Variants in KCNQ3 observed in about 807,000 individuals in gnomAD.
The protein encoded by KCNQ3 is potassium voltage-gated channel subfamily Q member 3, also known as potassium voltage-gated channel subfamily KQT member 3.
A neutral mutation model predicts 92.5 loss-of-function variants in KCNQ3; 30 were observed. That is an observed-to-expected ratio of 0.32 (90% CI 0.24 to 0.44). KCNQ3 has a LOEUF of 0.44. Among genes scored for constraint, KCNQ3 ranks in the 20% least tolerant of loss-of-function variants. KCNQ3 has a pLI of 1.00. For missense variants in KCNQ3, 913 were observed against 1,140.3 expected, an observed-to-expected ratio of 0.80 and a Z score of 2.87; for synonymous variants, 450 against 468.8, an observed-to-expected ratio of 0.96 and a Z score of 0.52.
chr8:132,187,891 G>GTGT (rs1827046503), intron 1 of KCNQ3, among the ~76,000 whole-genome samples: 1 of 95,082 alleles, frequency 1.1e-5, no homozygotes, highest in Non-Finnish European at 2.2e-5. Flanking sequence ...GGTGGCGGTG[G>GTGT]TGGTGGTGGT....
At chr8:132,305,477 T>G (rs1817389963) in intron 1 of KCNQ3, among the ~76,000 whole-genome samples, 1 of 152,168 alleles carries the variant, frequency 6.6e-6, no homozygotes, top group Admixed American at 6.5e-5. Flanking sequence ...TTCTTGAGAT[T>G]TTGTTGCAGG....
intron 1 of KCNQ3, among the ~76,000 whole-genome samples, chr8:132,467,913 G>A (rs1563921922): frequency 6.6e-6 from 1 of 152,176 alleles, no homozygotes; most frequent in Non-Finnish European, 1.5e-5. Flanking sequence ...TGCCCGCCTT[G>A]CACGAAGACT....
At chr8:132,283,256 CA>C (rs59794466) in intron 1 of KCNQ3, among the ~76,000 whole-genome samples, 88,452 of 150,184 alleles carry the variant, frequency 0.59, 26,771 homozygotes, top group East Asian at 0.78. Flanking sequence ...CTCAGAGAGG[CA>C]AAAAAAAAAT....
chr8:132,281,618 T>C (rs188955411), intron 1 of KCNQ3, among the ~76,000 whole-genome samples: 1 of 152,118 alleles, frequency 6.6e-6, no homozygotes, highest in African/African-American at 2.4e-5. Context: ...TCCATCCTAG[T>C]ACAGGTTTCC....
rs139524769 is a variant in KCNQ3, at chr8:132,383,350, G to A, written c.386+96797C>T. Among the ~76,000 whole-genome samples the A allele has an allele frequency of 1.1e-3, 165 of 152,284 alleles. 2 individuals carry two copies. The highest frequency in any genetic ancestry group is 1.9e-4 in the Non-Finnish European group (13 of 68,022). ...AGTTTTTCTTGCAGATTGTAGGATC[G>A]CCATGGTGACAGGGCCAGGGCAGCG... On this transcript the variant is annotated intron_variant, in intron 1 of 14. Coordinates refer to ENST00000388996, the MANE Select transcript of KCNQ3 (RefSeq NM_004519.4).
chr8:132,297,770 C>T (rs1289376904), intron 1 of KCNQ3, among the ~76,000 whole-genome samples: 4 of 69,204 alleles, frequency 5.8e-5, no homozygotes, highest in Admixed American at 4.8e-4. Context: ...GGCCAACTCT[C>T]CTTTCGCAGC....
intron 1 of KCNQ3, among the ~76,000 whole-genome samples, chr8:132,458,713 C>A (rs371351652): frequency 5.1e-4 from 78 of 152,288 alleles, no homozygotes; most frequent in Admixed American, 4.6e-3. Flanking sequence ...CCTTAGCCTC[C>A]CAAAGTGCTG....
At chr8:132,211,006 T>C (rs550295154) in intron 1 of KCNQ3, among the ~76,000 whole-genome samples, 10 of 152,342 alleles carry the variant, frequency 6.6e-5, no homozygotes, top group African/African-American at 1.2e-4. Flanking sequence ...GCAAAGAGCA[T>C]TGGGTCTCCC....
chr8:132,151,269 C>A (rs1010453028), intron 9 of KCNQ3, among the ~76,000 whole-genome samples: 5 of 152,080 alleles, frequency 3.3e-5, no homozygotes, highest in African/African-American at 9.7e-5. Context: ...CTAACTGTTA[C>A]CATTATGACA....
At chr8:132,361,825 G>A (rs1427605933) in intron 1 of KCNQ3, among the ~76,000 whole-genome samples, 5 of 152,016 alleles carry the variant, frequency 3.3e-5, no homozygotes, top group East Asian at 1.9e-4. Context: ...CTGTCCATTC[G>A]TATGTGTAAA....
In KCNQ3 at chr8:132,201,552, A is replaced by G. The variant is rs572914009; in HGVS notation, c.387-15371T>C. ...CCCATTCCGAAAAGAAAAAATAGGCAAGAAGAAAAAAAAATAAAGGCCTCA... is the reference window on the plus strand; with the variant it reads ...CCCATTCCGAAAAGAAAAAATAGGCGAGAAGAAAAAAAAATAAAGGCCTCA... On this transcript the variant is annotated intron_variant, in intron 1 of 14. Coordinates refer to ENST00000388996, the MANE Select transcript of KCNQ3 (RefSeq NM_004519.4). Among the ~76,000 whole-genome samples the G allele has an allele frequency of 3.3e-5, 5 of 152,302 alleles. No individual in the cohort carries two copies. In the South Asian group the frequency reaches 1.0e-3, roughly 32 times the overall value.
rs186955782 is a variant in KCNQ3 at position 132,126,802 on chromosome 8, T to C, written c.*2460A>G. On this transcript the variant is annotated 3_prime_UTR_variant, in exon 15 of 15. Coordinates refer to ENST00000388996, the MANE Select transcript of KCNQ3 (RefSeq NM_004519.4). ...AGAATCTAAGGTAGTTCCTCCAATT[T>C]TGGATCAATGGTAAATACTTTAAGG... 10 of 152,298 alleles carry C rather than the reference T, an allele frequency of 6.6e-5. No individual in the cohort carries two copies. The highest frequency in any genetic ancestry group is 1.3e-4 in the Non-Finnish European group (9 of 68,024). The allele number at this position is 152,298 out of a possible 1,614,324, so 9.4% of individuals were successfully genotyped here.
At chr8:132,289,154 T>C (rs941568190) in intron 1 of KCNQ3, among the ~76,000 whole-genome samples, 1 of 152,142 alleles carries the variant, frequency 6.6e-6, no homozygotes, top group Non-Finnish European at 1.5e-5. Context: ...ATGTGGAAAG[T>C]ACATAGCTGG....
intron 1 of KCNQ3, among the ~76,000 whole-genome samples, chr8:132,450,578 C>G (rs557044604): frequency 6.6e-6 from 1 of 152,310 alleles, no homozygotes; most frequent in African/African-American, 2.4e-5. Context: ...ATCAGCAGTT[C>G]CAGCCACAGG....
At chr8:132,152,027 T>A (rs1586775535) in intron 9 of KCNQ3, among the ~76,000 whole-genome samples, 1 of 152,362 alleles carries the variant, frequency 6.6e-6, no homozygotes, top group African/African-American at 2.4e-5. Context: ...AACTTCGTTG[T>A]CAATTGTGTT....
intron 1 of KCNQ3, among the ~76,000 whole-genome samples, chr8:132,244,631 T>C (rs1815102419): frequency 6.6e-6 from 1 of 152,152 alleles, no homozygotes; most frequent in Admixed American, 6.5e-5. Context: ...ATGAACAAAA[T>C]CTATGTTTGG....
rs148310811 is a variant in KCNQ3, at chr8:132,282,759, T to A, written c.387-96578A>T. 1.1e-4 allele frequency among the ~76,000 whole-genome samples: 17 copies of A among 152,298 alleles called. No homozygotes were observed. In the South Asian group the frequency reaches 1.9e-3, roughly 17 times the overall value. On this transcript the variant is annotated intron_variant, in intron 1 of 14. Coordinates refer to ENST00000388996, the MANE Select transcript of KCNQ3 (RefSeq NM_004519.4). ...TCAGTTGTCAAGAGCTCTGCTTCCA[T>A]GAAGCTACCAAAATAGAATTGTGCT...
intron 1 of KCNQ3, among the ~76,000 whole-genome samples, chr8:132,305,307 G>C (rs566311223): frequency 6.6e-6 from 1 of 152,290 alleles, no homozygotes; most frequent in East Asian, 1.9e-4. Context: ...AACTCTGTAT[G>C]AACTTTTATG....
At chr8:132,438,682 G>A (rs1294006689) in intron 1 of KCNQ3, among the ~76,000 whole-genome samples, 1 of 152,050 alleles carries the variant, frequency 6.6e-6, no homozygotes, top group Non-Finnish European at 1.5e-5. Flanking sequence ...GGCGCTCATG[G>A]AGAAAAACTA....
Sources: gnomAD v4.1 joint callset for allele counts (sites outside exome capture counted in the v4.1 genomes callset) on GRCh38, gnomAD v4.1.1 for gene constraint, MANE v1.5 for transcripts, NCBI Gene and HGNC (gene_info 2026-07-23, HGNC 2026-07-21) for gene names.